LCA5: variants seen among roughly 807,000 people sequenced by gnomAD.
LCA5 encodes the protein lebercilin LCA5.
Under a neutral mutation model 53.0 loss-of-function variants are expected in LCA5, and 37 were observed. The observed-to-expected ratio is 0.70, with a 90% CI of 0.54 to 0.92. The LOEUF (loss-of-function observed/expected upper bound fraction) is 0.92. Ranked by LOEUF, LCA5 falls within the 40% of genes least tolerant of loss-of-function variation. LCA5 has a pLI of 0.00. For synonymous variants in LCA5, 303 were observed against 282.9 expected (o/e 1.07, Z -0.71); for missense variants, 806 against 790.5 (o/e 1.02, Z -0.23).
At chr6:79,534,798 TC>T (rs1767061694) in intron 1 of LCA5, among the ~76,000 whole-genome samples, 1 of 152,092 alleles carries the variant, frequency 6.6e-6, no homozygotes, top group African/African-American at 2.4e-5. Context: ...TACGACCCTG[TC>T]TCAATAAGAG....
In LCA5 at chr6:79,487,391, T is replaced by G; in HGVS notation, c.1707A>C (p.Pro569=). 5 of 1,612,998 alleles carry G rather than the reference T, an allele frequency of 3.1e-6. No individual in the cohort carries two copies. The highest frequency in any genetic ancestry group is 4.2e-6 in the Non-Finnish European group (5 of 1,179,616). The change falls in exon 8 of 8, where the codon CCA becomes CCC. Residue 569 remains proline (P), a synonymous_variant. Coordinates refer to ENST00000369846, the MANE Select transcript of LCA5 (RefSeq NM_001122769.3). ...CCAAAAAACTACTTTTTTGACTAAA[T>G]GGATTTGACCTCTCTGATGTTTTTG... ...SFAKTSERSN[P]FSQKSSFLDF...
At chr6:79,494,512 T>C (rs1261527081) in intron 3 of LCA5, among the ~76,000 whole-genome samples, 5 of 151,790 alleles carry the variant, frequency 3.3e-5, no homozygotes, top group African/African-American at 1.2e-4. Flanking sequence ...GATAGATAGA[T>C]AACAAATATA....
At position 79,499,951 on chromosome 6, in the gene LCA5, G is replaced by GT. The variant is rs1202152553; in HGVS notation, c.721-6202dup. Among the ~76,000 whole-genome samples the GT allele has an allele frequency of 1.9e-4, 29 of 150,864 alleles. No individual in the cohort carries two copies. In the East Asian group the frequency reaches 2.5e-3, roughly 13 times the overall value. ...TATGAGTGAGAATATGCGGTGTTTG[G>GT]TTTTTTGTTCTTGCGATAGTTTACT... On this transcript the variant is annotated intron_variant, in intron 3 of 7. Transcript: ENST00000369846.
chr6:79,525,859 G>A (rs1433278896), intron 1 of LCA5, among the ~76,000 whole-genome samples: 4 of 152,242 alleles, frequency 2.6e-5, no homozygotes, highest in Non-Finnish European at 5.9e-5. Context: ...CAAGATAACG[G>A]TGGACAGTGT....
chr6:79,518,303 A>T (rs942381943), intron 2 of LCA5, among the ~76,000 whole-genome samples: 1 of 152,158 alleles, frequency 6.6e-6, no homozygotes, highest in African/African-American at 2.4e-5. Context: ...AATTTTACTC[A>T]ATCTATTAAA....
intron 1 of LCA5, among the ~76,000 whole-genome samples, chr6:79,523,631 A>C (rs899428229): frequency 2.5e-4 from 38 of 152,342 alleles, no homozygotes; most frequent in African/African-American, 8.2e-4. Context: ...AATTCCAATA[A>C]TATAATTAAA....
intron 3 of LCA5, among the ~76,000 whole-genome samples, chr6:79,510,230 C>A (rs1770376130): frequency 6.6e-6 from 1 of 151,958 alleles, no homozygotes; most frequent in Non-Finnish European, 1.5e-5. Flanking sequence ...GACAAAAGTG[C>A]CAAAGCAATT....
intron 3 of LCA5, among the ~76,000 whole-genome samples, chr6:79,501,178 T>C (rs1232236444): frequency 2.0e-5 from 3 of 152,280 alleles, no homozygotes; most frequent in East Asian, 1.9e-4. Context: ...ACAGTTAACC[T>C]GACTAAACTT....
At chr6:79,505,473 T>C (rs553906667) in intron 3 of LCA5, among the ~76,000 whole-genome samples, 35 of 152,292 alleles carry the variant, frequency 2.3e-4, no homozygotes, top group Admixed American at 1.4e-3. Context: ...TAATTTACCA[T>C]GTTAAAAACA....
chr6:79,527,319 C>G (rs1766820593), intron 1 of LCA5, among the ~76,000 whole-genome samples: 3 of 152,146 alleles, frequency 2.0e-5, no homozygotes, highest in Admixed American at 2.0e-4. Flanking sequence ...GGCCCCATTT[C>G]TGGAAGTTAA....
intron 2 of LCA5, among the ~76,000 whole-genome samples, chr6:79,514,103 C>A (rs1256037915): frequency 1.3e-5 from 2 of 152,134 alleles, no homozygotes; most frequent in African/African-American, 4.8e-5. Context: ...GCATAACAAA[C>A]ACTGGACAAA....
chr6:79,496,488 T>A (rs1275768204), intron 3 of LCA5, among the ~76,000 whole-genome samples: 1 of 152,128 alleles, frequency 6.6e-6, no homozygotes, highest in African/African-American at 2.4e-5. Flanking sequence ...ATAAGGGTAA[T>A]TACCACTTAG....
intron 5 of LCA5, among the ~76,000 whole-genome samples, chr6:79,492,063 A>G (rs1769859752): frequency 6.6e-6 from 1 of 152,052 alleles, no homozygotes; most frequent in African/African-American, 2.4e-5. Context: ...TTCACATAAA[A>G]GGGAAATTAT....
chr6:79,498,597 T>C (rs1202365291), intron 3 of LCA5, among the ~76,000 whole-genome samples: 1 of 152,066 alleles, frequency 6.6e-6, no homozygotes, highest in Non-Finnish European at 1.5e-5. Flanking sequence ...AAGCCCTCAC[T>C]TAAACATATA....
chr6:79,503,357 C>T (rs1038527328), intron 3 of LCA5, among the ~76,000 whole-genome samples: 1 of 152,122 alleles, frequency 6.6e-6, no homozygotes, highest in East Asian at 1.9e-4. Context: ...ACTCTTCAGT[C>T]ACTACCACAG....
intron 3 of LCA5, among the ~76,000 whole-genome samples, chr6:79,510,355 T>C (rs1290355636): frequency 6.6e-6 from 1 of 152,112 alleles, no homozygotes; most frequent in Non-Finnish European, 1.5e-5. Flanking sequence ...AAAAATTAAC[T>C]CAAAATGAAT....
At chr6:79,530,127 A>G (rs979918749) in intron 1 of LCA5, among the ~76,000 whole-genome samples, 2 of 152,294 alleles carry the variant, frequency 1.3e-5, no homozygotes, top group Non-Finnish European at 2.9e-5. Context: ...TATATAAACA[A>G]GAAATAATTG....
upstream of LCA5, among the ~76,000 whole-genome samples, chr6:79,538,020 T>TTG (rs1767208266): frequency 1.7e-5 from 1 of 60,586 alleles, no homozygotes; most frequent in Admixed American, 2.0e-4. Flanking sequence ...GCACACAAGT[T>TTG]TTTTTTTTTT....
chr6:79,506,874 A>G (rs572005481), intron 3 of LCA5, among the ~76,000 whole-genome samples: 1 of 152,374 alleles, frequency 6.6e-6, no homozygotes, highest in African/African-American at 2.4e-5. Flanking sequence ...TCAATGAACC[A>G]GTATTTTCCA....
Sources: allele counts gnomAD v4.1 joint callset (sites outside exome capture counted in the v4.1 genomes callset), GRCh38; gene constraint gnomAD v4.1.1; transcripts MANE v1.5; gene names NCBI Gene and HGNC (gene_info 2026-07-23, HGNC 2026-07-21).